Variants in SIL1 observed in about 807,000 individuals in gnomAD.
SIL1 encodes the protein SIL1 nucleotide exchange factor, also known as nucleotide exchange factor SIL1.
In SIL1, 40 loss-of-function variants were observed where a neutral mutation model predicts 49.1. The observed-to-expected ratio is 0.81, with a 90% CI of 0.63 to 1.06. The LOEUF is 1.06. Among genes scored for constraint, SIL1 ranks in the 50% least tolerant of loss-of-function variants. The pLI, the probability that SIL1 is intolerant of heterozygous loss-of-function variation, is 0.00. For synonymous variants in SIL1, 253 were observed against 250.8 expected (o/e 1.01, Z -0.08); for missense variants, 500 against 572.6 (o/e 0.87, Z 1.29).
chr5:139,102,039 G>A (rs1223755538), intron 3 of SIL1, among the ~76,000 whole-genome samples: 1 of 152,188 alleles, frequency 6.6e-6, no homozygotes, highest in African/African-American at 2.4e-5. Flanking sequence ...GCACTTGGGT[G>A]TGAATCCTAA....
intron 1 of SIL1, among the ~76,000 whole-genome samples, chr5:139,141,641 C>A (rs985640413): frequency 6.6e-6 from 1 of 152,016 alleles, no homozygotes; most frequent in South Asian, 2.1e-4. Flanking sequence ...TGGGCAATAG[C>A]GAGACCCCTA....
At chr5:139,000,943 T>C (rs1767970383) in intron 7 of SIL1, among the ~76,000 whole-genome samples, 2 of 151,518 alleles carry the variant, frequency 1.3e-5, no homozygotes, top group African/African-American at 2.4e-5. Flanking sequence ...CAAAAGACTC[T>C]ATGGGAAAAA....
intron 3 of SIL1, among the ~76,000 whole-genome samples, chr5:139,057,295 A>T (rs1769470962): frequency 7.4e-6 from 1 of 135,036 alleles, no homozygotes; most frequent in Admixed American, 7.1e-5. Context: ...CTCTGCGAGA[A>T]ACACCCAAGA....
At chr5:138,987,614 A>C (rs1040686834) in intron 7 of SIL1, among the ~76,000 whole-genome samples, 2 of 152,100 alleles carry the variant, frequency 1.3e-5, no homozygotes, top group African/African-American at 4.8e-5. Context: ...TGGCTTTTGT[A>C]TTCCTGCATA....
intron 4 of SIL1, among the ~76,000 whole-genome samples, chr5:139,043,405 A>G (rs143342822): frequency 8.3e-4 from 127 of 152,322 alleles, no homozygotes; most frequent in Middle Eastern, 3.4e-3. Flanking sequence ...ATGAAAGGGG[A>G]CAACAGGGCC....
chr5:139,042,199 A>C (rs1447804865), intron 5 of SIL1, among the ~76,000 whole-genome samples: 1 of 152,356 alleles, frequency 6.6e-6, no homozygotes, highest in African/African-American at 2.4e-5. Flanking sequence ...AAGGACAAGG[A>C]TTCCGGCTTC....
In SIL1 at chr5:139,107,436, A is replaced by C. The variant is rs1044701254; in HGVS notation, c.244+13599T>G. The stretch of plus-strand genomic sequence containing the variant: ...ATACAGAGTTTCCCATATACTCTTC[A>C]TCCAGATTTTCCTGCTATTAACGTC... On this transcript the variant is annotated intron_variant, in intron 3 of 9. Coordinates refer to ENST00000394817, the MANE Select transcript of SIL1 (RefSeq NM_022464.5). Among the ~76,000 whole-genome samples, 3 of 152,374 alleles carry C rather than the reference A, an allele frequency of 2.0e-5. No homozygotes were observed. In the East Asian group the frequency reaches 5.8e-4, roughly 29 times the overall value.
Position 139,136,399 on chromosome 5 carries a change from G to A in SIL1, c.-10-8546C>T, listed in dbSNP as rs139303290. 3.3e-5 allele frequency among the ~76,000 whole-genome samples: 5 copies of A among 152,318 alleles called. No homozygotes were observed. The East Asian group carries it at 9.6e-4, about 29-fold the overall frequency. ...AGAGTTTCAGTGCTATCAACACAGA[G>A]GTGATCATCAAAGCAACAGGAGCAG... On this transcript the variant is annotated intron_variant, in intron 1 of 9. Transcript: ENST00000394817.
At chr5:139,183,358 G>A (rs1053127122) in intron 1 of SIL1, among the ~76,000 whole-genome samples, 15 of 152,202 alleles carry the variant, frequency 9.9e-5, no homozygotes, top group Non-Finnish European at 2.1e-4. Context: ...TTTCTGCATG[G>A]TCCTTAGAAG....
At chr5:139,066,977 C>A (rs771506643) in intron 3 of SIL1, among the ~76,000 whole-genome samples, 1 of 152,160 alleles carries the variant, frequency 6.6e-6, no homozygotes, top group Non-Finnish European at 1.5e-5. Context: ...ATAATACTTG[C>A]CAAGTTTTCC....
At chr5:139,134,884 C>A (rs1271262923) in intron 1 of SIL1, among the ~76,000 whole-genome samples, 1 of 152,180 alleles carries the variant, frequency 6.6e-6, no homozygotes, top group African/African-American at 2.4e-5. Flanking sequence ...CATATGCACA[C>A]ATACAGTCAC....
chr5:139,107,758 AG>A (rs1312618145), intron 3 of SIL1, among the ~76,000 whole-genome samples: 2 of 152,236 alleles, frequency 1.3e-5, no homozygotes, highest in Admixed American at 6.5e-5. Context: ...TTAATACAAC[AG>A]AAAAAACAAC....
intron 6 of SIL1, among the ~76,000 whole-genome samples, chr5:139,023,870 A>G (rs888786598): frequency 6.6e-6 from 1 of 152,228 alleles, no homozygotes; most frequent in African/African-American, 2.4e-5. Context: ...CAGCCCTTCC[A>G]GTCAAAACAC....
intron 1 of SIL1, among the ~76,000 whole-genome samples, chr5:139,147,161 G>A (rs1419088447): frequency 6.6e-6 from 1 of 152,200 alleles, no homozygotes; most frequent in East Asian, 1.9e-4. Flanking sequence ...GTATAGAGCA[G>A]CTCTTTTCAG....
At chr5:139,022,339 G>T in intron 6 of SIL1, 1 of 152,204 alleles carries the variant, frequency 6.6e-6, no homozygotes. Flanking sequence ...GACTCTGACA[G>T]AGAAATCAAG....
intron 5 of SIL1, among the ~76,000 whole-genome samples, chr5:139,039,351 C>T (rs1332248033): frequency 1.3e-5 from 2 of 152,194 alleles, no homozygotes; most frequent in Non-Finnish European, 2.9e-5. Flanking sequence ...ATGTCCACTG[C>T]ACTGGCACTA....
intron 1 of SIL1, among the ~76,000 whole-genome samples, chr5:139,157,177 G>A (rs548318669): frequency 1.3e-5 from 2 of 152,306 alleles, no homozygotes; most frequent in East Asian, 3.9e-4. Context: ...TAATTATCAG[G>A]TGTGGAGAGA....
intron 1 of SIL1, among the ~76,000 whole-genome samples, chr5:139,170,831 C>A (rs1316957343): frequency 6.7e-6 from 1 of 148,632 alleles, no homozygotes; most frequent in African/African-American, 2.5e-5. Context: ...GTGGGGGGGT[C>A]AGCCCCCCGC....
intron 7 of SIL1, among the ~76,000 whole-genome samples, chr5:138,961,938 T>C (rs1452501616): frequency 6.7e-6 from 1 of 150,106 alleles, no homozygotes; most frequent in Admixed American, 6.6e-5. Flanking sequence ...CACTTTCTGC[T>C]GATGTTCTCT....
Sources: allele counts gnomAD v4.1 joint callset (sites outside exome capture counted in the v4.1 genomes callset), GRCh38; gene constraint gnomAD v4.1.1; transcripts MANE v1.5; gene names NCBI Gene and HGNC (gene_info 2026-07-23, HGNC 2026-07-21).